Variants in FNDC3B observed in about 807,000 individuals in gnomAD.
FNDC3B encodes fibronectin type III domain-containing protein 3B.
FNDC3B carries 12 observed loss-of-function variants against 151.5 expected under a neutral mutation model. That is an observed-to-expected ratio of 0.08 (90% CI 0.05 to 0.13). The LOEUF is 0.13. Ranked by LOEUF, FNDC3B falls within the 10% of genes least tolerant of loss-of-function variation. FNDC3B has a pLI of 1.00. For synonymous variants in FNDC3B, 528 were observed against 549.0 expected (o/e 0.96, Z 0.54); for missense variants, 1,214 against 1,505.3 (o/e 0.81, Z 3.20).
At chr3:172,239,001 G>A (rs900284326) in intron 4 of FNDC3B, among the ~76,000 whole-genome samples, 15 of 152,106 alleles carry the variant, frequency 9.9e-5, no homozygotes, top group African/African-American at 3.4e-4. Context: ...TTTTAATAAT[G>A]ACGTGCTAAT....
chr3:172,197,129 C>T (rs920807134), intron 3 of FNDC3B, among the ~76,000 whole-genome samples: 1 of 151,702 alleles, frequency 6.6e-6, no homozygotes, highest in Admixed American at 6.6e-5. Flanking sequence ...TGCAGTGAGC[C>T]GAGATGGCAC....
chr3:172,133,284 A>C (rs1721199181), intron 2 of FNDC3B, among the ~76,000 whole-genome samples, 187 bp from the exon 3 acceptor site: 1 of 152,264 alleles, frequency 6.6e-6, no homozygotes, highest in Non-Finnish European at 1.5e-5. Context: ...GAATTCACTT[A>C]GCTAAATTTG....
intron 1 of FNDC3B, among the ~76,000 whole-genome samples, chr3:172,086,252 T>C (rs1167983877): frequency 6.6e-6 from 1 of 151,954 alleles, no homozygotes; most frequent in Non-Finnish European, 1.5e-5. Flanking sequence ...CCCAGCTACT[T>C]GGGAGGCTAA....
chr3:172,088,186 C>G (rs1342350183), intron 1 of FNDC3B, among the ~76,000 whole-genome samples: 1 of 152,084 alleles, frequency 6.6e-6, no homozygotes, highest in Non-Finnish European at 1.5e-5. Flanking sequence ...AAGGTACTTT[C>G]TAGGGAAAAT....
At chr3:172,330,250 C>A in intron 12 of FNDC3B, 1 of 261,318 alleles carries the variant, frequency 3.8e-6, no homozygotes, top group Non-Finnish European at 7.3e-6. Flanking sequence ...AATATAATGC[C>A]CACACGTCAC....
At chr3:172,226,714 G>A (rs1010880995) in intron 3 of FNDC3B, among the ~76,000 whole-genome samples, 157 bp from the exon 4 acceptor site, 3 of 152,122 alleles carry the variant, frequency 2.0e-5, no homozygotes, top group African/African-American at 7.2e-5. Flanking sequence ...TTCATTCATG[G>A]TTTCAGGTTT....
chr3:172,333,192 G>C lies in FNDC3B; in HGVS notation c.1641+17G>C, dbSNP rs73035137. On this transcript the variant is annotated intron_variant, in intron 14 of 25. Transcript: ENST00000415807. ...AAATTCAGGGTGAGTCAGTCATTTT[G>C]CTACCTGAACTGCTTAAAAATGAAA... The C allele has an allele frequency of 6.2e-3, 9,176 of 1,473,602 alleles. 449 individuals carry two copies. The African/African-American group carries it at 0.11, about 17-fold the overall frequency. 91.3% of individuals were successfully genotyped at this position (1,473,602 alleles called of 1,614,324 possible).
chr3:172,151,002 T>C (rs1203925570), intron 3 of FNDC3B, among the ~76,000 whole-genome samples: 1 of 152,264 alleles, frequency 6.6e-6, no homozygotes. Context: ...AAAATTGAGA[T>C]AGCTTTCTAT....
At chr3:172,199,601 A>G (rs4334669) in intron 3 of FNDC3B, among the ~76,000 whole-genome samples, 138,541 of 152,300 alleles carry the variant, frequency 0.91, 63,322 homozygotes, top group African/African-American at 0.95. Flanking sequence ...AAAATGATGT[A>G]TAATGAAACT....
At position 172,313,839 on chromosome 3, in the gene FNDC3B, T is replaced by C. The variant is rs549588316; in HGVS notation, c.1254+2958T>C. ...GTAACAAGTTCATTCCTGCCCATCC[T>C]GTCATTTCAGAAGTGAAGTTTCTGA... On this transcript the variant is annotated intron_variant, in intron 11 of 25. Transcript: ENST00000415807. 1.3e-3 allele frequency among the ~76,000 whole-genome samples: 193 copies of C among 152,332 alleles called. 1 individual carries two copies. Among genetic ancestry groups the C allele is most frequent in the African/African-American group, 4.4e-3 (185 of 41,594 alleles).
chr3:172,063,974 G>A (rs905463793), intron 1 of FNDC3B, among the ~76,000 whole-genome samples: 4 of 151,986 alleles, frequency 2.6e-5, no homozygotes, highest in Admixed American at 2.0e-4. Context: ...TGGCATTCAC[G>A]CCCTTATAAA....
At chr3:172,080,669 GCTCAC>G (rs991025269) in intron 1 of FNDC3B, among the ~76,000 whole-genome samples, 15 of 152,112 alleles carry the variant, frequency 9.9e-5, no homozygotes, top group African/African-American at 3.6e-4. Context: ...AAGGCTCAGA[GCTCAC>G]CTGTAATCTG....
intron 1 of FNDC3B, among the ~76,000 whole-genome samples, chr3:172,047,631 C>G (rs1716427969): frequency 2.6e-5 from 4 of 152,020 alleles, no homozygotes; most frequent in Admixed American, 2.0e-4. Flanking sequence ...TGTGGATTGC[C>G]ATGAAATAAA....
rs1255404643 is a variant in FNDC3B, at chr3:172,041,488, CTTCT to C, written c.-29+1720_-29+1723del. Among the ~76,000 whole-genome samples the C allele has an allele frequency of 2.6e-3, 225 of 85,322 alleles. 1 individual carries two copies. The highest frequency in any genetic ancestry group is 0.011 in the African/African-American group (197 of 17,660). 56.0% of individuals were successfully genotyped at this position (85,322 alleles called of 152,430 possible). A position where few individuals can be genotyped will look rare whatever the true frequency, so the allele number is the denominator to read the frequency against. On this transcript the variant is annotated intron_variant, in intron 1 of 25. Coordinates refer to ENST00000415807, the MANE Select transcript of FNDC3B (RefSeq NM_022763.4). Reference sequence around the variant, plus strand: ...CCTCCTCCTTCTTGTTCTTGTTCTTCTTCTTTTTTTTTTTTTTAAATAAATGTGG... The same window carrying C: ...CCTCCTCCTTCTTGTTCTTGTTCTTCTTTTTTTTTTTTTAAATAAATGTGG...
intron 3 of FNDC3B, among the ~76,000 whole-genome samples, chr3:172,148,354 G>GAAGC: frequency 6.6e-6 from 1 of 151,362 alleles, no homozygotes; most frequent in South Asian, 2.1e-4. Context: ...CACGGTAAAA[G>GAAGC]AAGCAGCCAA....
intron 25 of FNDC3B, among the ~76,000 whole-genome samples, chr3:172,394,863 T>A (rs1576976080): frequency 6.6e-6 from 1 of 152,208 alleles, no homozygotes; most frequent in South Asian, 2.1e-4. Context: ...GCAAACCCAA[T>A]TCAACAACAC....
intron 9 of FNDC3B, among the ~76,000 whole-genome samples, chr3:172,305,188 CTA>C (rs1209566031): frequency 6.6e-6 from 1 of 152,146 alleles, no homozygotes; most frequent in East Asian, 1.9e-4. Context: ...CACCTATAAA[CTA>C]TATTACCATC....
chr3:172,311,721 A>T (rs1198809169), intron 11 of FNDC3B, among the ~76,000 whole-genome samples: 1 of 151,450 alleles, frequency 6.6e-6, no homozygotes, highest in African/African-American at 2.4e-5. Flanking sequence ...AAAAAAAAAA[A>T]AAAAAAATTA....
At chr3:172,109,283 A>C (rs1369118271) in intron 1 of FNDC3B, among the ~76,000 whole-genome samples, 2 of 150,028 alleles carry the variant, frequency 1.3e-5, no homozygotes, top group African/African-American at 5.0e-5. Context: ...CTCCTGCCTC[A>C]GCCTCCCAAG....
Sources: gnomAD v4.1 joint callset for allele counts (sites outside exome capture counted in the v4.1 genomes callset) on GRCh38, gnomAD v4.1.1 for gene constraint, MANE v1.5 for transcripts, NCBI Gene and HGNC (gene_info 2026-07-23, HGNC 2026-07-21) for gene names.